The following IGHMBP2 variants were observed in gnomAD, a reference collection of about 807,000 sequenced individuals.
The protein encoded by IGHMBP2 is DNA-binding protein SMUBP-2.
In IGHMBP2, 81 loss-of-function variants were observed where a neutral mutation model predicts 96.0. The observed-to-expected ratio is 0.84, with a 90% CI of 0.71 to 1.01. IGHMBP2 has a LOEUF of 1.01. IGHMBP2 is among the 50% of genes least tolerant of loss of function. The pLI is 0.00. For missense variants in IGHMBP2, 1,227 were observed against 1,306.3 expected, an observed-to-expected ratio of 0.94 and a Z score of 0.94; for synonymous variants, 557 against 548.9, an observed-to-expected ratio of 1.01 and a Z score of -0.21.
chr11:68,930,231 A>G, intron 8 of IGHMBP2: 2 of 1,262,126 alleles, frequency 1.6e-6, no homozygotes, highest in Non-Finnish European at 2.1e-6. Context: ...AGACTCCTGC[A>G]TCCTGGCCCT....
chr11:68,915,093 T>G, intron 6 of IGHMBP2, 70 bp downstream of exon 6: 1 of 1,250,254 alleles, frequency 8.0e-7, no homozygotes, highest in Non-Finnish European at 1.2e-6. Context: ...GGAGCAAATT[T>G]ATCTGTCTGC....
Position 68,908,564 on chromosome 11 carries a change from T to C in IGHMBP2, c.480T>C (p.Ser160=). The C allele has an allele frequency of 6.2e-7, 1 of 1,614,122 alleles. No homozygotes were observed. Among genetic ancestry groups the C allele is most frequent in the Non-Finnish European group, 8.5e-7 (1 of 1,179,952 alleles). The change falls in exon 4 of 15, where the codon TCT becomes TCC. Residue 160 remains serine, a synonymous_variant. Coordinates refer to ENST00000255078, the MANE Select transcript of IGHMBP2 (RefSeq NM_002180.3). ...KALIALKKYH[S]GPASSLIEVL... ...TGATTGCTCTAAAGAAGTATCATTCTGGCCCAGCCTCCTCACTCATAGAAG... is the reference window on the plus strand; with the variant it reads ...TGATTGCTCTAAAGAAGTATCATTCCGGCCCAGCCTCCTCACTCATAGAAG...
rs1858586628 is a variant in IGHMBP2, at chr11:68,914,859, A to C, written c.748A>C (p.Asn250His). 6.2e-7 allele frequency: 1 copy of C among 1,614,108 alleles called. No homozygotes were observed. ...CCAPSNIAVD[N>H]LVERLALCKQ... ...CGCCCCCTCCAACATCGCCGTGGAC[A>C]ATCTGGTGGAGCGCCTGGCTCTGTG... The change falls in exon 6 of 15, where the codon AAT (asparagine) becomes CAT (histidine). Residue 250 changes from asparagine (N) to histidine (H), a missense_variant. This residue lies in a region of IGHMBP2 where 507 missense variants were observed against 496.9 expected (regional missense o/e 1.02). Coordinates refer to ENST00000255078, the MANE Select transcript of IGHMBP2 (RefSeq NM_002180.3).
rs368775789 is a variant in IGHMBP2, at chr11:68,935,403, C to A, written c.1737C>A (p.Phe579Leu). The change falls in exon 12 of 15, where the codon TTC becomes TTA. Residue 579 changes from phenylalanine to leucine, a missense_variant. Physicochemically the swap from Phe to Leu is conservative, Grantham distance 22. This residue lies in a region of IGHMBP2 where 703 missense variants were observed against 770.3 expected (regional missense o/e 0.91). Coordinates refer to ENST00000255078, the MANE Select transcript of IGHMBP2 (RefSeq NM_002180.3). ...AGAAGGAGGCCGTGATACTGTCCTTCGTCAGATCCAACAGGAAAGGTACGG... is the reference window on the plus strand; with the variant it reads ...AGAAGGAGGCCGTGATACTGTCCTTAGTCAGATCCAACAGGAAAGGTACGG... ...GREKEAVILS[F>L]VRSNRKGEVG... The A allele has an allele frequency of 1.2e-6, 2 of 1,614,112 alleles. No homozygotes were observed. Among genetic ancestry groups the A allele is most frequent in the East Asian group, 4.5e-5 (2 of 44,892 alleles).
Position 68,919,115 on chromosome 11 carries a change from T to C in IGHMBP2, c.1060+1232T>C, listed in dbSNP as rs889950524. On this transcript the variant is annotated intron_variant, in intron 7 of 14. Transcript: ENST00000255078. ...GCCTTTTGGTTTTTTAGAAGTGTTA[T>C]ATAGTTTCTAGATAGTTGGGAAATG... Among the ~76,000 whole-genome samples, 8 of 152,194 alleles carry C rather than the reference T, an allele frequency of 5.3e-5. 1 individual carries two copies. Among genetic ancestry groups the C allele is most frequent in the Non-Finnish European group, 1.2e-4 (8 of 68,036 alleles).
chr11:68,916,874 A>G (rs1340132684), intron 6 of IGHMBP2, among the ~76,000 whole-genome samples: 2 of 146,216 alleles, frequency 1.4e-5, no homozygotes, highest in African/African-American at 5.1e-5. Context: ...GCTTTTGAGG[A>G]TTTTCTTTCT....
chr11:68,909,182 G>T (rs1197601268), intron 4 of IGHMBP2, among the ~76,000 whole-genome samples: 9 of 112,990 alleles, frequency 8.0e-5, no homozygotes, highest in Non-Finnish European at 1.7e-4. Context: ...TTGGCGGGGG[G>T]GGTGGAGGGG....
At chr11:68,925,142 C>CT (rs921409570) in intron 7 of IGHMBP2, among the ~76,000 whole-genome samples, 9,092 of 108,682 alleles carry the variant, frequency 0.084, 478 homozygotes, top group Non-Finnish European at 0.11. Context: ...AGTCCAGGTT[C>CT]TTTTTTTTTT....
Position 68,904,040 on chromosome 11 carries a change from T to C in IGHMBP2, c.86+2T>C. The C allele has an allele frequency of 6.5e-7, 1 of 1,548,584 alleles. No individual in the cohort carries two copies. The highest frequency in any genetic ancestry group is 1.2e-5 in the South Asian group (1 of 84,052). On this transcript the variant is annotated splice_donor_variant, in intron 1 of 14. Transcript: ENST00000255078. LOFTEE classifies it high-confidence loss of function. ...AGACGCGGAGGTGGAGGAGCGCAGG[T>C]ACGGGAGGCCGCCGGCGCCGCTCCC...
chr11:68,927,372 C>T (rs559331076), intron 7 of IGHMBP2, among the ~76,000 whole-genome samples: 1 of 152,348 alleles, frequency 6.6e-6, no homozygotes, highest in East Asian at 1.9e-4. Flanking sequence ...GCCATAAATG[C>T]CCCAGTCTTT....
intron 8 of IGHMBP2, chr11:68,930,038 T>G: frequency 9.0e-7 from 1 of 1,115,736 alleles, no homozygotes; most frequent in Non-Finnish European, 1.1e-6. Flanking sequence ...CAGGCCTCGC[T>G]GGCCCCTCTG....
chr11:68,939,836 T>A lies in IGHMBP2; in HGVS notation c.*105T>A. ...AGGGCCACAGAGGAGCGGAGGGGCC[T>A]ATGGGGGAGGAGCGGAGGGCCCTGT... On this transcript the variant is annotated 3_prime_UTR_variant, in exon 15 of 15. Coordinates refer to ENST00000255078, the MANE Select transcript of IGHMBP2 (RefSeq NM_002180.3). 1 of 1,247,184 alleles carries A rather than the reference T, an allele frequency of 8.0e-7. No homozygotes were observed. Among genetic ancestry groups the A allele is most frequent in the Admixed American group, 2.4e-5 (1 of 41,906 alleles). The allele number at this position is 1,247,184 out of a possible 1,614,324, so 77.3% of individuals were successfully genotyped here. A position where few individuals can be genotyped will look rare whatever the true frequency, so the allele number is the denominator to read the frequency against.
At chr11:68,918,956 C>T (rs1397999266) in intron 7 of IGHMBP2, among the ~76,000 whole-genome samples, 1 of 151,868 alleles carries the variant, frequency 6.6e-6, no homozygotes, top group Non-Finnish European at 1.5e-5. Flanking sequence ...AAGCTGAGAT[C>T]ATTGATTTGA....
chr11:68,923,196 T>C (rs749517382), intron 7 of IGHMBP2, among the ~76,000 whole-genome samples: 28 of 152,174 alleles, frequency 1.8e-4, no homozygotes, highest in Non-Finnish European at 3.2e-4. Flanking sequence ...TAATCTTTTT[T>C]TTTGTTTTTT....
In IGHMBP2 at chr11:68,929,758, G is replaced by T. The variant is rs139911066; in HGVS notation, c.1235+401G>T. The T allele has an allele frequency of 5.1e-6, 5 of 985,434 alleles. No homozygotes were observed. In the African/African-American group the frequency reaches 8.7e-5, roughly 17 times the overall value. The allele number at this position is 985,434 out of a possible 1,614,324, so 61.0% of individuals were successfully genotyped here. A position where few individuals can be genotyped will look rare whatever the true frequency, so the allele number is the denominator to read the frequency against. ...GTCTTCAATCTGTAGACACATCCCTGGATGGAGGGCACTGGGCAGAGACTC... is the reference window on the plus strand; with the variant it reads ...GTCTTCAATCTGTAGACACATCCCTTGATGGAGGGCACTGGGCAGAGACTC... On this transcript the variant is annotated intron_variant, in intron 8 of 14. Coordinates refer to ENST00000255078, the MANE Select transcript of IGHMBP2 (RefSeq NM_002180.3).
In IGHMBP2 at chr11:68,916,692, G is replaced by A. The variant is rs77646429; in HGVS notation, c.913-1044G>A. 1.3e-3 allele frequency among the ~76,000 whole-genome samples: 205 copies of A among 152,258 alleles called. 1 individual carries two copies. The highest frequency in any genetic ancestry group is 4.8e-3 in the African/African-American group (201 of 41,542). On this transcript the variant is annotated intron_variant, in intron 6 of 14. Coordinates refer to ENST00000255078, the MANE Select transcript of IGHMBP2 (RefSeq NM_002180.3). The stretch of plus-strand genomic sequence containing the variant: ...GGGAGCCAGTCTTTGCTATGGGCCC[G>A]TGGCATCGAGGCTGCTTGCGTGGCT...
At chr11:68,937,998 G>A in intron 13 of IGHMBP2, 184 bp from the exon 14 acceptor site, 1 of 671,938 alleles carries the variant, frequency 1.5e-6, no homozygotes, top group Non-Finnish European at 2.7e-6. Flanking sequence ...GTCTCACTCT[G>A]TCACTATGTT....
intron 7 of IGHMBP2, among the ~76,000 whole-genome samples, chr11:68,922,279 T>C (rs986680129): frequency 6.6e-6 from 1 of 151,510 alleles, no homozygotes; most frequent in Non-Finnish European, 1.5e-5. Flanking sequence ...ATTGCACCAC[T>C]GTACTCCAAC....
At chr11:68,909,233 A>G (rs1353291884) in intron 4 of IGHMBP2, among the ~76,000 whole-genome samples, 1 of 140,800 alleles carries the variant, frequency 7.1e-6, no homozygotes, top group Non-Finnish European at 1.6e-5. Context: ...AGACTGGAGT[A>G]TAGTGGCATG....
Sources: allele counts gnomAD v4.1 joint callset (sites outside exome capture counted in the v4.1 genomes callset), GRCh38; gene constraint gnomAD v4.1.1; regional missense constraint gnomAD v4.1.1; transcripts MANE v1.5; gene names NCBI Gene and HGNC (gene_info 2026-07-23, HGNC 2026-07-21).